GPHN: variants seen among roughly 807,000 people sequenced by gnomAD.
GPHN encodes gephyrin.
A neutral mutation model predicts 95.5 loss-of-function variants in GPHN; 17 were observed. The observed-to-expected ratio is 0.18, with a 90% confidence interval of 0.12 to 0.27. The LOEUF (loss-of-function observed/expected upper bound fraction) is 0.27. Among genes scored for constraint, GPHN ranks in the 10% least tolerant of loss-of-function variants. GPHN has a pLI of 1.00. For missense variants in GPHN, 660 were observed against 978.1 expected (o/e 0.67, Z 4.34); for synonymous variants, 320 against 322.5 (o/e 0.99, Z 0.08).
chr14:67,112,301 G>C (rs771688284), intron 15 of GPHN, among the ~76,000 whole-genome samples: 2 of 152,120 alleles, frequency 1.3e-5, no homozygotes, highest in African/African-American at 2.4e-5. Context: ...ATATGCTCTA[G>C]TGACTACCAA....
chr14:67,008,271 A>G (rs569835291), intron 9 of GPHN, among the ~76,000 whole-genome samples: 16 of 151,838 alleles, frequency 1.1e-4, no homozygotes, highest in African/African-American at 3.6e-4. Context: ...GACCAACATG[A>G]TGAAACCCCA....
intron 8 of GPHN, among the ~76,000 whole-genome samples, chr14:66,941,354 T>G (rs2153572924): frequency 6.6e-6 from 1 of 152,308 alleles, no homozygotes; most frequent in Non-Finnish European, 1.5e-5. Context: ...GAATAACTAT[T>G]TGTAAATAGG....
chr14:67,414,485 G>A, the GPHN span, among the ~76,000 whole-genome samples: 5 of 152,330 alleles, frequency 3.3e-5, no homozygotes, highest in South Asian at 4.1e-4. Context: ...GGGCAGGGAC[G>A]AGCAAGAAGC....
At chr14:67,499,706 A>T in the GPHN span, among the ~76,000 whole-genome samples, 1 of 152,078 alleles carries the variant, frequency 6.6e-6, no homozygotes, top group Non-Finnish European at 1.5e-5. Context: ...ATCCCAGAAG[A>T]CCTCCAATAG....
intron 1 of GPHN, among the ~76,000 whole-genome samples, chr14:66,601,598 G>A (rs2062247718): frequency 6.6e-6 from 1 of 151,814 alleles, no homozygotes; most frequent in East Asian, 1.9e-4. Flanking sequence ...CTAAAGCATA[G>A]CACCATTAAT....
At chr14:66,807,029 T>TA (rs1255082950) in intron 3 of GPHN, among the ~76,000 whole-genome samples, 17 of 152,006 alleles carry the variant, frequency 1.1e-4, no homozygotes, top group Non-Finnish European at 1.6e-4. Context: ...ACAAAAACAT[T>TA]AAAAAAAGAG....
chr14:67,689,272 ATAGGGCACCTGTGCCTGATT>A, the GPHN span, among the ~76,000 whole-genome samples: 1 of 152,212 alleles, frequency 6.6e-6, no homozygotes, highest in Non-Finnish European at 1.5e-5. Flanking sequence ...TATTCCAACT[ATAGGGCACCTGTGCCTGATT>A]CCTTGAGCCT....
the GPHN span, among the ~76,000 whole-genome samples, chr14:67,637,505 TA>T: frequency 1.3e-5 from 2 of 150,392 alleles, no homozygotes; most frequent in African/African-American, 2.4e-5. Flanking sequence ...TCACTCCTCT[TA>T]AAAAAAAACT....
intron 2 of GPHN, 44 bp downstream of exon 2, chr14:66,681,229 TTA>T (rs1167624046): frequency 9.0e-7 from 1 of 1,117,228 alleles, no homozygotes; most frequent in Non-Finnish European, 1.4e-6. Flanking sequence ...TAAAACTTTA[TTA>T]TTAGTGTTCC....
chr14:67,383,306 C>T, the GPHN span: 3 of 1,612,452 alleles, frequency 1.9e-6, no homozygotes, highest in Non-Finnish European at 2.5e-6. Context: ...TATACCTCTG[C>T]TTCCACAGCC....
chr14:67,431,135 C>T, the GPHN span, among the ~76,000 whole-genome samples: 3 of 152,184 alleles, frequency 2.0e-5, no homozygotes, highest in Non-Finnish European at 4.4e-5. Context: ...TGGCTCACGC[C>T]TGTAATCCCA....
chr14:66,664,123 A>G (rs910866429), intron 1 of GPHN, among the ~76,000 whole-genome samples: 3 of 152,178 alleles, frequency 2.0e-5, no homozygotes, highest in African/African-American at 7.2e-5. Context: ...TCTGGATTAA[A>G]TGGACCTGAT....
At chr14:66,733,305 T>C (rs1237040221) in intron 2 of GPHN, among the ~76,000 whole-genome samples, 1 of 150,552 alleles carries the variant, frequency 6.6e-6, no homozygotes, top group African/African-American at 2.4e-5. Flanking sequence ...TAATTAAACC[T>C]CTTTTTTTTT....
At position 66,639,450 on chromosome 14, in the gene GPHN, C is replaced by T. The variant is rs537973627; in HGVS notation, c.65-41657C>T. ...GGTTCATACATGACAATTGATGAAGCGTTAGTTGCATTTAGAAGACATTGA... is the reference window on the plus strand; with the variant it reads ...GGTTCATACATGACAATTGATGAAGTGTTAGTTGCATTTAGAAGACATTGA... On this transcript the variant is annotated intron_variant, in intron 1 of 22. Coordinates refer to ENST00000478722, the MANE Select transcript of GPHN (RefSeq NM_020806.5). 8.5e-5 allele frequency among the ~76,000 whole-genome samples: 13 copies of T among 152,076 alleles called. No individual in the cohort carries two copies. In the South Asian group the frequency reaches 2.5e-3, roughly 29 times the overall value.
chr14:66,536,651 G>A (rs962113825), intron 1 of GPHN, among the ~76,000 whole-genome samples: 1 of 152,148 alleles, frequency 6.6e-6, no homozygotes, highest in Non-Finnish European at 1.5e-5. Flanking sequence ...CTTGAATTGG[G>A]AAGTCTCTCT....
chr14:67,546,993 C>T, the GPHN span, among the ~76,000 whole-genome samples: 1 of 152,170 alleles, frequency 6.6e-6, no homozygotes, highest in Admixed American at 6.5e-5. Flanking sequence ...CCTTAACCAC[C>T]TTATAAACAC....
intron 8 of GPHN, among the ~76,000 whole-genome samples, chr14:66,963,497 G>T (rs905671541): frequency 6.6e-6 from 1 of 152,026 alleles, no homozygotes; most frequent in Non-Finnish European, 1.5e-5. Flanking sequence ...TATAAATGTT[G>T]TGATACTTTC....
chr14:67,572,100 G>A, the GPHN span: 52 of 1,588,782 alleles, frequency 3.3e-5, no homozygotes, highest in Non-Finnish European at 4.1e-5. Flanking sequence ...GGGGAGGTGT[G>A]GGACCCGGGC....
the GPHN span, among the ~76,000 whole-genome samples, chr14:67,665,505 C>T: frequency 2.6e-5 from 4 of 152,006 alleles, no homozygotes; most frequent in Admixed American, 2.0e-4. Flanking sequence ...TGGGCTCAGG[C>T]AATCCTCGAC....
Sources: gnomAD v4.1 joint callset for allele counts (sites outside exome capture counted in the v4.1 genomes callset) on GRCh38, gnomAD v4.1.1 for gene constraint, MANE v1.5 for transcripts, NCBI Gene and HGNC (gene_info 2026-07-23, HGNC 2026-07-21) for gene names.